The following CNST variants were observed in gnomAD, a reference collection of about 807,000 sequenced individuals.
The protein encoded by CNST is consortin.
Under a neutral mutation model 72.4 loss-of-function variants are expected in CNST, and 39 were observed. That is an observed-to-expected ratio of 0.54 (90% confidence interval 0.42 to 0.70). CNST has a LOEUF of 0.70. Ranked by LOEUF, CNST falls within the 30% of genes least tolerant of loss-of-function variation. The probability of loss-of-function intolerance (pLI) is 0.00; values close to 1 mark genes in which losing one functional copy is unlikely to be tolerated. For missense variants in CNST, 871 were observed against 868.5 expected (o/e 1.00, Z -0.04); for synonymous variants, 332 against 320.1 (o/e 1.04, Z -0.40).
intron 1 of CNST, among the ~76,000 whole-genome samples, chr1:246,575,058 C>T (rs1439491438): frequency 6.6e-6 from 1 of 151,670 alleles, no homozygotes; most frequent in South Asian, 2.1e-4. Flanking sequence ...TGCAGTGGCA[C>T]GATCTTGGCT....
intron 6 of CNST, among the ~76,000 whole-genome samples, chr1:246,638,916 A>G (rs1229422412): frequency 6.6e-6 from 1 of 152,216 alleles, no homozygotes; most frequent in East Asian, 1.9e-4. Context: ...TGAATAGAGC[A>G]TACAGTTGAA....
intron 6 of CNST, among the ~76,000 whole-genome samples, chr1:246,640,154 A>G (rs764331920): frequency 2.6e-5 from 4 of 152,224 alleles, no homozygotes; most frequent in Non-Finnish European, 5.9e-5. Flanking sequence ...AACTCAGTAA[A>G]AGGTCAACTT....
At chr1:246,657,363 G>C (rs1439988364) in intron 9 of CNST, among the ~76,000 whole-genome samples, 2 of 152,090 alleles carry the variant, frequency 1.3e-5, no homozygotes, top group African/African-American at 4.8e-5. Flanking sequence ...ACCTAGAGAA[G>C]ATCACTGAGC....
intron 9 of CNST, among the ~76,000 whole-genome samples, chr1:246,656,294 G>A (rs928418468): frequency 4.6e-5 from 7 of 152,092 alleles, no homozygotes; most frequent in African/African-American, 7.2e-5. Flanking sequence ...GAAGAGTTGC[G>A]AATAATTTTG....
intron 9 of CNST, among the ~76,000 whole-genome samples, chr1:246,654,299 G>C (rs1410888899): frequency 6.6e-6 from 1 of 152,176 alleles, no homozygotes; most frequent in African/African-American, 2.4e-5. Flanking sequence ...CCTGAGGTGA[G>C]CAACCTTCTT....
chr1:246,572,301 A>T (rs1306692299), intron 1 of CNST, among the ~76,000 whole-genome samples: 1 of 152,244 alleles, frequency 6.6e-6, no homozygotes, highest in Admixed American at 6.5e-5. Flanking sequence ...ATAAGTTATT[A>T]AAAAATTTGG....
At chr1:246,660,607 C>T (rs1265358764) in intron 10 of CNST, among the ~76,000 whole-genome samples, 1 of 152,088 alleles carries the variant, frequency 6.6e-6, no homozygotes, top group Non-Finnish European at 1.5e-5. Flanking sequence ...CGCCTGTAAT[C>T]CCAGCTACTC....
At chr1:246,570,795 A>C (rs115487457) in intron 1 of CNST, among the ~76,000 whole-genome samples, 2,908 of 152,308 alleles carry the variant, frequency 0.019, 92 homozygotes, top group African/African-American at 0.06. Context: ...AGTCTTAGCA[A>C]ATTTATTGTA....
Position 246,611,730 on chromosome 1 carries a change from A to G in CNST, c.380-9699A>G, listed in dbSNP as rs1356502111. ...TTAATCCAGCCATTAACTTCTAGGT[A>G]TATACCCAAAAGAATAGAAAGCAAG... On this transcript the variant is annotated intron_variant, in intron 2 of 10. Transcript: ENST00000366513. Among the ~76,000 whole-genome samples, 4 of 152,226 alleles carry G rather than the reference A, an allele frequency of 2.6e-5. No homozygotes were observed. In the South Asian group the frequency reaches 6.2e-4, roughly 24 times the overall value.
At chr1:246,643,128 G>A (rs114085111) in intron 8 of CNST, among the ~76,000 whole-genome samples, 4,027 of 151,948 alleles carry the variant, frequency 0.027, 170 homozygotes, top group African/African-American at 0.093. Flanking sequence ...CTGAGCTCAA[G>A]CGATCCTCTC....
At chr1:246,663,933 A>T (rs1272210448) in intron 10 of CNST, among the ~76,000 whole-genome samples, 1 of 152,142 alleles carries the variant, frequency 6.6e-6, no homozygotes, top group Non-Finnish European at 1.5e-5. Flanking sequence ...AGACTCTAAG[A>T]TGCTTTTGGG....
intron 10 of CNST, among the ~76,000 whole-genome samples, chr1:246,664,559 T>C (rs2103177587): frequency 6.6e-6 from 1 of 152,238 alleles, no homozygotes. Context: ...CCTGAGTAGC[T>C]GAGACTATAG....
At chr1:246,604,005 C>T (rs780878648) in intron 2 of CNST, among the ~76,000 whole-genome samples, 48 of 152,280 alleles carry the variant, frequency 3.2e-4, no homozygotes, top group Non-Finnish European at 4.7e-4. Context: ...GGGTGGATCA[C>T]CTGAGGTCAG....
intron 3 of CNST, among the ~76,000 whole-genome samples, chr1:246,627,241 C>T (rs1196578824): frequency 6.6e-6 from 1 of 152,256 alleles, no homozygotes; most frequent in African/African-American, 2.4e-5. Flanking sequence ...CTTCCCTTCT[C>T]ATTTAGAATA....
chr1:246,662,782 C>T (rs940109210), intron 10 of CNST, among the ~76,000 whole-genome samples: 4 of 152,304 alleles, frequency 2.6e-5, no homozygotes, highest in African/African-American at 9.6e-5. Flanking sequence ...AGACATTTTA[C>T]ATCCTTTTTT....
rs1266539207 is a variant in CNST at position 246,647,378 on chromosome 1, G to C, written c.1177G>C (p.Ala393Pro). The C allele has an allele frequency of 1.2e-6, 2 of 1,614,032 alleles. No homozygotes were observed. The highest frequency in any genetic ancestry group is 1.7e-6 in the Non-Finnish European group (2 of 1,180,040). Residue 393 changes from alanine (A) to proline (P), a missense_variant, in exon 9 of 11, where the codon GCT (alanine) becomes CCT (proline). Ala to Pro is a conservative substitution (Grantham distance 27, BLOSUM62 -1). Transcript: ENST00000366513. The part of the protein sequence containing the change: ...SPSGPDSSED[A>P]CEDDSRLQLA... ...GTCTGGGCCAGACTCTTCTGAGGATGCTTGTGAGGATGACAGTCGCTTGCA... is the reference window on the plus strand; with the variant it reads ...GTCTGGGCCAGACTCTTCTGAGGATCCTTGTGAGGATGACAGTCGCTTGCA...
At chr1:246,645,887 G>GTTT (rs1170315016) in intron 8 of CNST, among the ~76,000 whole-genome samples, 2 of 152,122 alleles carry the variant, frequency 1.3e-5, no homozygotes, top group Non-Finnish European at 2.9e-5. Flanking sequence ...AAATAAGTTG[G>GTTT]TTTTACTCAA....
intron 2 of CNST, 151 bp downstream of exon 2, chr1:246,592,092 A>G (rs1661582190): frequency 3.2e-6 from 2 of 630,020 alleles, no homozygotes; most frequent in Admixed American, 5.9e-5. Context: ...ATCCAACTGC[A>G]TGATATTCCA....
At chr1:246,605,987 T>A (rs1470504740) in intron 2 of CNST, 1 of 151,938 alleles carries the variant, frequency 6.6e-6, no homozygotes, top group Non-Finnish European at 1.5e-5. Flanking sequence ...CCGGGGAGAA[T>A]CTTTCATTCC....
Sources: allele counts gnomAD v4.1 joint callset (sites outside exome capture counted in the v4.1 genomes callset), GRCh38; gene constraint gnomAD v4.1.1; transcripts MANE v1.5; gene names NCBI Gene and HGNC (gene_info 2026-07-23, HGNC 2026-07-21).